The following AASS variants were observed in gnomAD, a reference collection of about 807,000 sequenced individuals.
AASS encodes aminoadipate-semialdehyde synthase.
In AASS, 86 loss-of-function variants were observed where a neutral mutation model predicts 105.4. The observed-to-expected ratio is 0.82, with a 90% confidence interval of 0.69 to 0.98. The LOEUF (loss-of-function observed/expected upper bound fraction) is 0.98, where lower values mean the gene tolerates loss of function less well. AASS is among the 50% of genes least tolerant of loss of function. The pLI, the probability that AASS is intolerant of heterozygous loss-of-function variation, is 0.00. For missense variants in AASS, 1,048 were observed against 1,143.2 expected, an observed-to-expected ratio of 0.92 and a Z score of 1.20; for synonymous variants, 381 against 394.8, an observed-to-expected ratio of 0.96 and a Z score of 0.41.
intron 4 of AASS, among the ~76,000 whole-genome samples, chr7:122,120,186 G>T (rs925661000): frequency 2.0e-5 from 3 of 152,026 alleles, no homozygotes; most frequent in African/African-American, 7.2e-5. Context: ...AAATGGAGTT[G>T]CTATAAAAAA....
intron 18 of AASS, among the ~76,000 whole-genome samples, chr7:122,089,498 G>A (rs1253737049): frequency 2.0e-5 from 3 of 152,164 alleles, no homozygotes; most frequent in Non-Finnish European, 2.9e-5. Context: ...TGAAAGAGGA[G>A]AACTTCGAAT....
At chr7:122,113,779 TAAA>T in intron 9 of AASS, 59 bp from the exon 10 acceptor site, 1 of 1,560,062 alleles carries the variant, frequency 6.4e-7, no homozygotes, top group Non-Finnish European at 8.7e-7. Context: ...CCAACAAGAC[TAAA>T]AAAAAAGGAG....
At chr7:122,100,069 T>A (rs1043756312) in intron 13 of AASS, among the ~76,000 whole-genome samples, 1 of 151,826 alleles carries the variant, frequency 6.6e-6, no homozygotes, top group African/African-American at 2.4e-5. Flanking sequence ...ACGTGCTAAG[T>A]GATGAAAAGA....
chr7:122,113,228 C>T lies in AASS; in HGVS notation c.1168G>A (p.Val390Ile). ...DADQHIIHDS[V>I]EGSGILMCSI... is the part of the protein sequence containing the mutation. ...CACATCAGGATCCCCGAGCCTTCAA[C>T]ACTAAAAGCAGCAATGTGGTTTATT... is the stretch of plus-strand genomic sequence containing the variant. Residue 390 changes from valine to isoleucine, a missense_variant and splice_region_variant, in exon 11 of 24, where the codon GTT becomes ATT. By Grantham distance (29) the Val-to-Ile change is conservative. Transcript: ENST00000417368. 2 of 1,613,532 alleles carry T rather than the reference C, an allele frequency of 1.2e-6. No individual in the cohort carries two copies. Among genetic ancestry groups the T allele is most frequent in the Non-Finnish European group, 1.7e-6 (2 of 1,179,614 alleles).
chr7:122,143,320 G>C (rs1021369142), intron 1 of AASS, among the ~76,000 whole-genome samples: 1 of 151,720 alleles, frequency 6.6e-6, no homozygotes, highest in East Asian at 1.9e-4. Flanking sequence ...TCTCGCGCTC[G>C]AGCGCTCTTT....
intron 1 of AASS, 179 bp from the exon 2 acceptor site, chr7:122,133,920 A>T (rs1796027717): frequency 3.2e-6 from 2 of 630,684 alleles, no homozygotes; most frequent in Admixed American, 2.8e-5. Flanking sequence ...AGTTTTCAAA[A>T]ACAAGATTAT....
chr7:122,127,815 C>A (rs540333231), intron 3 of AASS, among the ~76,000 whole-genome samples: 1 of 152,244 alleles, frequency 6.6e-6, no homozygotes, highest in South Asian at 2.1e-4. Flanking sequence ...CATCCAGTCT[C>A]GTGGCTCTAG....
chr7:122,136,694 G>A (rs569925934), intron 1 of AASS, among the ~76,000 whole-genome samples: 82 of 152,136 alleles, frequency 5.4e-4, no homozygotes, highest in Non-Finnish European at 9.1e-4. Flanking sequence ...TTCCCAGCAG[G>A]GGCTGTGTTT....
chr7:122,128,689 G>C (rs1795767284), intron 3 of AASS, among the ~76,000 whole-genome samples: 2 of 152,166 alleles, frequency 1.3e-5, no homozygotes, highest in Non-Finnish European at 2.9e-5. Context: ...ATAGATATTT[G>C]TTAAATGAAT....
Position 122,091,729 on chromosome 7 carries a change from A to G in AASS, c.1990T>C (p.Ser664Pro), listed in dbSNP as rs202247760. 4.7e-5 allele frequency: 76 copies of G among 1,613,388 alleles called. No homozygotes were observed. The highest frequency in any genetic ancestry group is 3.0e-4 in the Admixed American group (18 of 59,906). Residue 664 changes from serine to proline, a missense_variant, in exon 18 of 24, where the codon TCT (serine) becomes CCT (proline). Physicochemically the swap from Ser to Pro is moderately conservative, Grantham distance 74 (BLOSUM62 -1). Coordinates refer to ENST00000417368, the MANE Select transcript of AASS (RefSeq NM_005763.4). The part of the protein sequence containing the change: ...PVGVLMNVMQ[S>P]ATYLLDGKVV... ...TTTCCATCGAGCAGATAGGTGGCAG[A>G]CTGCATTACATTCATCAAAACTCCC...
intron 18 of AASS, among the ~76,000 whole-genome samples, chr7:122,089,727 C>T (rs1213387971): frequency 1.3e-5 from 2 of 152,170 alleles, no homozygotes; most frequent in Non-Finnish European, 2.9e-5. Context: ...AAGCTCACAA[C>T]CAGTAATGGC....
intron 4 of AASS, among the ~76,000 whole-genome samples, chr7:122,121,914 T>C (rs185947939): frequency 3.0e-4 from 46 of 152,286 alleles, no homozygotes; most frequent in African/African-American, 9.9e-4. Context: ...ATTGAAAAGA[T>C]ATTGTCTTTG....
In AASS at chr7:122,133,701, A is replaced by C; in HGVS notation, c.26T>G (p.Leu9Arg). The C allele has an allele frequency of 1.9e-6, 3 of 1,614,190 alleles. No homozygotes were observed. Among genetic ancestry groups the C allele is most frequent in the Non-Finnish European group, 2.5e-6 (3 of 1,180,044 alleles). Residue 9 changes from leucine (L) to arginine (R), a missense_variant, in exon 2 of 24, where the codon CTG becomes CGG. Coordinates refer to ENST00000417368, the MANE Select transcript of AASS (RefSeq NM_005763.4). MLQVHRTG[L>R]GRLGVSLSKG... ...GGAGAGGCTGACCCCCAGCCTGCCC[A>C]GTCCAGTCCTATGTACTTGCAGCAT...
At chr7:122,117,586 C>T (rs1162693744) in intron 6 of AASS, among the ~76,000 whole-genome samples, 1 of 152,032 alleles carries the variant, frequency 6.6e-6, no homozygotes, top group Non-Finnish European at 1.5e-5. Context: ...AGATCACCCT[C>T]AGAACAGACC....
At chr7:122,106,969 G>T (rs189555901) in intron 11 of AASS, among the ~76,000 whole-genome samples, 1 of 151,956 alleles carries the variant, frequency 6.6e-6, no homozygotes, top group Non-Finnish European at 1.5e-5. Flanking sequence ...TACAGAATGG[G>T]AGAAAATATT....
At position 122,132,019 on chromosome 7, in the gene AASS, A is replaced by G. The variant is rs540828958; in HGVS notation, c.210+1498T>C. ...ATATACTCAAAAAAGCAAAAATTAA[A>G]GAAGCATAATGCAATAGCAAATTTG... On this transcript the variant is annotated intron_variant, in intron 2 of 23. Coordinates refer to ENST00000417368, the MANE Select transcript of AASS (RefSeq NM_005763.4). Among the ~76,000 whole-genome samples, 5 of 152,310 alleles carry G rather than the reference A, an allele frequency of 3.3e-5. 1 individual carries two copies. The highest frequency in any genetic ancestry group is 1.2e-4 in the African/African-American group (5 of 41,580).
chr7:122,105,762 T>C (rs1181015794), intron 11 of AASS, among the ~76,000 whole-genome samples: 1 of 151,946 alleles, frequency 6.6e-6, no homozygotes, highest in African/African-American at 2.4e-5. Context: ...AATTTTGAAA[T>C]GCCTATTTCA....
chr7:122,132,934 G>T lies in AASS; in HGVS notation c.210+583C>A, dbSNP rs966937327. 2.6e-5 allele frequency among the ~76,000 whole-genome samples: 4 copies of T among 152,042 alleles called. No homozygotes were observed. The East Asian group carries it at 7.7e-4, about 29-fold the overall frequency. On this transcript the variant is annotated intron_variant, in intron 2 of 23. Coordinates refer to ENST00000417368, the MANE Select transcript of AASS (RefSeq NM_005763.4). Reference sequence around the variant, plus strand: ...AAAATAAAAGGCATTTGAGGCAATGGGGAATCTGAACATAGACTATATAAG... The same window carrying T: ...AAAATAAAAGGCATTTGAGGCAATGTGGAATCTGAACATAGACTATATAAG...
chr7:122,129,465 G>C lies in AASS; in HGVS notation c.283C>G (p.Pro95Ala), dbSNP rs377076318. ...CTGGACATTAATTTTTCCTCTGGAG[G>C]TCTTTTAACTCCTAAAATTAGACAA... ...EACLILGVKR[P>A]PEEKLMSRKT... The change falls in exon 3 of 24, where the codon CCT becomes GCT. Residue 95 changes from proline to alanine, a missense_variant. Pro to Ala is a conservative substitution (Grantham distance 27). Coordinates refer to ENST00000417368, the MANE Select transcript of AASS (RefSeq NM_005763.4). 1.2e-6 allele frequency: 2 copies of C among 1,613,396 alleles called. No individual in the cohort carries two copies. The highest frequency in any genetic ancestry group is 1.7e-6 in the Non-Finnish European group (2 of 1,179,606).
Sources: gnomAD v4.1 joint callset for allele counts (sites outside exome capture counted in the v4.1 genomes callset) on GRCh38, gnomAD v4.1.1 for gene constraint, MANE v1.5 for transcripts, NCBI Gene and HGNC (gene_info 2026-07-23, HGNC 2026-07-21) for gene names.